The following STPG2 variants were observed in gnomAD, a reference collection of about 807,000 sequenced individuals.
STPG2 encodes sperm tail PG-rich repeat containing 2.
Under a neutral mutation model 54.2 loss-of-function variants are expected in STPG2, and 56 were observed. The ratio of observed to expected loss-of-function variants is 1.03; its 90% CI spans 0.83 to 1.29. The LOEUF is 1.29. Among genes scored for constraint, STPG2 ranks in the 50% most tolerant of loss-of-function variants. The pLI is 0.00. For missense variants in STPG2, 596 were observed against 544.9 expected (o/e 1.09, Z -0.93); for synonymous variants, 200 against 181.8 (o/e 1.10, Z -0.81).
chr4:98,042,303 C>CT (rs1241829866), intron 5 of STPG2, among the ~76,000 whole-genome samples: 1 of 151,138 alleles, frequency 6.6e-6, no homozygotes, highest in Non-Finnish European at 1.5e-5. Flanking sequence ...TTTTTTTGTA[C>CT]TTTTTTTACT....
At chr4:97,759,353 T>C (rs1725822662) in intron 9 of STPG2, among the ~76,000 whole-genome samples, 1 of 152,176 alleles carries the variant, frequency 6.6e-6, no homozygotes, top group Non-Finnish European at 1.5e-5. Context: ...ATCCCCCTTC[T>C]TTTTACCATC....
intron 8 of STPG2, among the ~76,000 whole-genome samples, chr4:97,910,753 G>C (rs758546221): frequency 4.6e-5 from 7 of 152,080 alleles, no homozygotes; most frequent in Non-Finnish European, 8.8e-5. Flanking sequence ...CACCAAGATG[G>C]AACAAATGCT....
chr4:97,932,598 T>C (rs1177191346), intron 8 of STPG2, among the ~76,000 whole-genome samples: 1 of 152,196 alleles, frequency 6.6e-6, no homozygotes. Flanking sequence ...CTCCCACTTA[T>C]GAGTGAGAAC....
At chr4:97,874,968 C>A (rs7657684) in intron 8 of STPG2, among the ~76,000 whole-genome samples, 24,532 of 151,794 alleles carry the variant, frequency 0.16, 2,154 homozygotes, top group East Asian at 0.36. Context: ...ATTTAAGCCA[C>A]CCAATTGAAG....
chr4:97,844,827 T>C (rs1728900629), intron 8 of STPG2, among the ~76,000 whole-genome samples: 1 of 152,048 alleles, frequency 6.6e-6, no homozygotes, highest in Non-Finnish European at 1.5e-5. Flanking sequence ...ATACTTGACA[T>C]TGACCCACAG....
At chr4:97,729,147 C>T (rs1423269564) in intron 9 of STPG2, among the ~76,000 whole-genome samples, 1 of 144,400 alleles carries the variant, frequency 6.9e-6, no homozygotes, top group African/African-American at 2.5e-5. Context: ...ATCTTAAAAT[C>T]CTCATCCAAT....
At chr4:98,058,947 C>A (rs751013710) in intron 5 of STPG2, among the ~76,000 whole-genome samples, 1 of 143,250 alleles carries the variant, frequency 7.0e-6, no homozygotes, top group Non-Finnish European at 1.5e-5. Flanking sequence ...TTAGAAAATG[C>A]AAGATCAAAT....
intron 9 of STPG2, among the ~76,000 whole-genome samples, chr4:97,786,745 A>T (rs950254170): frequency 9.2e-5 from 14 of 152,004 alleles, no homozygotes; most frequent in Admixed American, 9.2e-4. Flanking sequence ...TTGGTCACTT[A>T]GTAACCATCT....
At position 97,483,033 on chromosome 4, in the gene STPG2, T is replaced by C. The variant is rs144742884; in HGVS notation, c.462+229666A>G. Among the ~76,000 whole-genome samples the C allele has an allele frequency of 6.0e-3, 915 of 151,612 alleles. 5 individuals are homozygous for C. Among genetic ancestry groups the C allele is most frequent in the South Asian group, 0.02 (98 of 4,816 alleles). On this transcript the variant is annotated intron_variant, in intron 4 of 4. Coordinates refer to the STPG2 transcript ENST00000522676. ...TGAGAAATTTGCCACCACCAAGCCA[T>C]CACTACAAGAACTGCTAAAAGAAAC... is the stretch of plus-strand genomic sequence containing the variant.
intron 5 of STPG2, among the ~76,000 whole-genome samples, chr4:98,054,060 C>A (rs182338250): frequency 4.7e-4 from 71 of 152,178 alleles, no homozygotes; most frequent in Admixed American, 2.9e-3. Context: ...AAGACATATT[C>A]CTTACAAATA....
At chr4:98,011,394 T>C (rs1445245821) in intron 5 of STPG2, among the ~76,000 whole-genome samples, 2 of 152,240 alleles carry the variant, frequency 1.3e-5, no homozygotes, top group Non-Finnish European at 2.9e-5. Context: ...ATGTCTTTGC[T>C]ATTGTAAATA....
At chr4:97,659,464 CAAAGT>C (rs1384706772) in intron 10 of STPG2, among the ~76,000 whole-genome samples, 2 of 152,130 alleles carry the variant, frequency 1.3e-5, no homozygotes, top group Non-Finnish European at 2.9e-5. Flanking sequence ...TAAAAAGAAG[CAAAGT>C]AGTCTTTTAT....
intron 3 of STPG2, among the ~76,000 whole-genome samples, chr4:98,119,375 C>A (rs1313003929): frequency 2.0e-5 from 3 of 151,650 alleles, no homozygotes; most frequent in African/African-American, 7.3e-5. Context: ...AAACTGTACT[C>A]TTCAAAAAAA....
At chr4:98,051,014 A>C (rs1440966168) in intron 5 of STPG2, among the ~76,000 whole-genome samples, 1 of 68,792 alleles carries the variant, frequency 1.5e-5, no homozygotes, top group Non-Finnish European at 3.4e-5. Context: ...CAAAAAAAAG[A>C]AAAAAAAAAA....
chr4:97,821,990 G>C (rs903329890), intron 9 of STPG2, among the ~76,000 whole-genome samples: 2 of 152,178 alleles, frequency 1.3e-5, no homozygotes, highest in Non-Finnish European at 2.9e-5. Context: ...CCAGCAAGTG[G>C]TTGCTCCATA....
chr4:97,454,851 C>T (rs1729475746), intron 4 of STPG2, among the ~76,000 whole-genome samples: 1 of 151,980 alleles, frequency 6.6e-6, no homozygotes, highest in Non-Finnish European at 1.5e-5. Context: ...AGAAAGAATT[C>T]CTGACAATGT....
chr4:97,990,667 A>G (rs191456956), intron 5 of STPG2, among the ~76,000 whole-genome samples: 1 of 152,292 alleles, frequency 6.6e-6, no homozygotes, highest in East Asian at 1.9e-4. Context: ...TAGTAATCAC[A>G]TCTATTCTAA....
chr4:97,736,971 A>G (rs1228593937), intron 9 of STPG2, among the ~76,000 whole-genome samples: 1 of 152,198 alleles, frequency 6.6e-6, no homozygotes, highest in Non-Finnish European at 1.5e-5. Context: ...CAGTAGGGGC[A>G]GACTGACACC....
intron 4 of STPG2, among the ~76,000 whole-genome samples, chr4:97,512,365 T>C (rs369896899): frequency 6.6e-6 from 1 of 152,118 alleles, no homozygotes; most frequent in African/African-American, 2.4e-5. Flanking sequence ...TGAGAAGCGT[T>C]CACTTCAGTT....
Sources: allele counts gnomAD v4.1 joint callset (sites outside exome capture counted in the v4.1 genomes callset), GRCh38; gene constraint gnomAD v4.1.1; transcripts MANE v1.5; gene names NCBI Gene and HGNC (gene_info 2026-07-23, HGNC 2026-07-21).